C10orf67: variants seen among roughly 807,000 people sequenced by gnomAD.
C10orf67 encodes uncharacterized protein C10orf67, mitochondrial.
C10orf67 carries 60 observed loss-of-function variants against 35.6 expected under a neutral mutation model. That is an observed-to-expected ratio of 1.68 (90% CI 1.37 to 2.09). The LOEUF (loss-of-function observed/expected upper bound fraction) is 2.09, where lower values mean the gene tolerates loss of function less well. Among genes scored for constraint, C10orf67 ranks in the 30% most tolerant of loss-of-function variants. The pLI is 0.00. For missense variants in C10orf67, 474 were observed against 330.2 expected, an observed-to-expected ratio of 1.44 and a Z score of -3.38; for synonymous variants, 167 against 115.8, an observed-to-expected ratio of 1.44 and a Z score of -2.84.
intron 10 of C10orf67, among the ~76,000 whole-genome samples, chr10:23,256,479 A>T (rs1842604842): frequency 6.6e-6 from 1 of 152,208 alleles, no homozygotes; most frequent in Non-Finnish European, 1.5e-5. Context: ...AAGAGGAACA[A>T]TGCCCTCAGA....
intron 12 of C10orf67, among the ~76,000 whole-genome samples, chr10:23,241,526 C>CA (rs1588607946): frequency 6.6e-6 from 1 of 152,168 alleles, no homozygotes; most frequent in South Asian, 2.1e-4. Flanking sequence ...CATTGCCCCC[C>CA]ATGAAGATAT....
chr10:23,263,925 G>A (rs990988369), intron 10 of C10orf67, among the ~76,000 whole-genome samples: 1 of 152,134 alleles, frequency 6.6e-6, no homozygotes, highest in Non-Finnish European at 1.5e-5. Flanking sequence ...GTATTTTTCA[G>A]ACTGGCTAAA....
chr10:23,335,606 G>C (rs890511266), intron 1 of C10orf67, among the ~76,000 whole-genome samples: 1 of 151,778 alleles, frequency 6.6e-6, no homozygotes, highest in African/African-American at 2.4e-5. Context: ...CATCATATTT[G>C]GAAAAAACTA....
rs149541822 is a variant in C10orf67, at chr10:23,324,757, C to A, written c.328-2220G>T. Among the ~76,000 whole-genome samples the A allele has an allele frequency of 1.3e-3, 194 of 152,216 alleles. 5 individuals carry two copies. In the East Asian group the frequency reaches 0.032, roughly 25 times the overall value. ...CAGTTTTTTCTCTTCATTCCCTGAC[C>A]TTCTTTATTGTCCTTGATCTGATTC... On this transcript the variant is annotated intron_variant, in intron 2 of 15. Coordinates refer to ENST00000636213, the MANE Select transcript of C10orf67 (RefSeq NM_001371909.1).
At chr10:23,224,351 G>A (rs1841673286) in intron 13 of C10orf67, among the ~76,000 whole-genome samples, 1 of 152,140 alleles carries the variant, frequency 6.6e-6, no homozygotes, top group South Asian at 2.1e-4. Context: ...CAAACAGAAA[G>A]GACATCCACA....
chr10:23,277,534 C>A (rs1382828387), intron 8 of C10orf67, among the ~76,000 whole-genome samples: 3 of 143,862 alleles, frequency 2.1e-5, no homozygotes, highest in Admixed American at 7.1e-5. Context: ...GTCTGGGTGA[C>A]AGAGTATGAC....
intron 12 of C10orf67, among the ~76,000 whole-genome samples, chr10:23,249,476 TCA>T (rs1842396499): frequency 6.6e-6 from 1 of 152,176 alleles, no homozygotes; most frequent in Non-Finnish European, 1.5e-5. Context: ...GGGTAGGAGA[TCA>T]TTTCAGCACC....
chr10:23,301,046 C>T (rs907562091), intron 5 of C10orf67, among the ~76,000 whole-genome samples: 3 of 152,182 alleles, frequency 2.0e-5, no homozygotes, highest in African/African-American at 7.2e-5. Context: ...TTTTAATTTG[C>T]TTTAAGTCTG....
chr10:23,325,876 A>G (rs1390430964), intron 2 of C10orf67, among the ~76,000 whole-genome samples: 2 of 152,178 alleles, frequency 1.3e-5, no homozygotes, highest in Non-Finnish European at 2.9e-5. Flanking sequence ...TTGATAAAGA[A>G]AACAAATTCC....
intron 15 of C10orf67, among the ~76,000 whole-genome samples, chr10:23,208,929 G>A (rs1211112321): frequency 6.6e-6 from 1 of 152,044 alleles, no homozygotes; most frequent in African/African-American, 2.4e-5. Context: ...GGGACATGAG[G>A]TCTGGTTACC....
chr10:23,298,120 T>C (rs4747459), intron 5 of C10orf67, among the ~76,000 whole-genome samples: 88,069 of 151,876 alleles, frequency 0.58, 26,769 homozygotes, highest in East Asian at 0.88. Flanking sequence ...CCAGGCGTGG[T>C]GGTGTGCACC....
intron 10 of C10orf67, among the ~76,000 whole-genome samples, chr10:23,257,255 C>A (rs1203574212): frequency 6.6e-6 from 1 of 152,156 alleles, no homozygotes. Context: ...AGAAAGTCCA[C>A]CGCTGGGGCC....
chr10:23,265,235 G>A (rs1045359284), intron 10 of C10orf67, among the ~76,000 whole-genome samples: 1 of 152,230 alleles, frequency 6.6e-6, no homozygotes, highest in Non-Finnish European at 1.5e-5. Context: ...CTCCCGCTCT[G>A]TGGATATGAG....
rs559417802 is a variant in C10orf67 at position 23,326,835 on chromosome 10, C to T, written c.328-4298G>A. On this transcript the variant is annotated intron_variant, in intron 2 of 15. Transcript: ENST00000636213. ...ATCTTTAGAAATAATGAAAATTAAG[C>T]GCAGAAAGAAGTACTGAGATATGGG... 3.3e-5 allele frequency among the ~76,000 whole-genome samples: 5 copies of T among 151,900 alleles called. No homozygotes were observed. In the East Asian group the frequency reaches 5.8e-4, roughly 18 times the overall value.
rs569814146 is a variant in C10orf67, at chr10:23,234,816, C to A, written c.1434+4913G>T. 8.0e-4 allele frequency among the ~76,000 whole-genome samples: 121 copies of A among 151,444 alleles called. 2 individuals are homozygous for A. The highest frequency in any genetic ancestry group is 3.1e-3 in the Admixed American group (48 of 15,242). On this transcript the variant is annotated intron_variant, in intron 13 of 15. Transcript: ENST00000636213. The stretch of plus-strand genomic sequence containing the variant: ...GATCATGAGGTCAAGAGATTGAGAC[C>A]ACTCTGGTCAACATGGTGAAACCCT...
rs1204469249 is a variant in C10orf67 at position 23,250,500 on chromosome 10, C to T, written c.1301G>A (p.Arg434Gln). ...TCTCTTTTCCCAGCTTTTATTTAGT[C>T]GATCAGCTTCCTTCCTAAACCTATA... ...KVERFRKEAD[R>Q]LNKSWEKRFF... Residue 434 changes from arginine (R) to glutamine (Q), a missense_variant, in exon 12 of 16, where the codon CGA becomes CAA. Transcript: ENST00000636213. The T allele has an allele frequency of 2.0e-5, 8 of 398,498 alleles. No homozygotes were observed. Among genetic ancestry groups the T allele is most frequent in the South Asian group, 1.3e-4 (1 of 7,822 alleles). 24.7% of individuals were successfully genotyped at this position (398,498 alleles called of 1,614,324 possible). A position where few individuals can be genotyped will look rare whatever the true frequency, so the allele number is the denominator to read the frequency against.
intron 1 of C10orf67, among the ~76,000 whole-genome samples, chr10:23,341,789 T>C (rs1164066718): frequency 1.3e-5 from 2 of 152,140 alleles, no homozygotes; most frequent in South Asian, 2.1e-4. Context: ...GCTAGCCTGA[T>C]AGATCCTTAG....
At chr10:23,296,642 G>A (rs150824255) in intron 5 of C10orf67, among the ~76,000 whole-genome samples, 2,274 of 152,220 alleles carry the variant, frequency 0.015, 52 homozygotes, top group African/African-American at 0.052. Flanking sequence ...AGATTTCCTC[G>A]GGAGGGGTGA....
At chr10:23,326,928 A>G (rs1845221698) in intron 2 of C10orf67, among the ~76,000 whole-genome samples, 1 of 152,166 alleles carries the variant, frequency 6.6e-6, no homozygotes, top group Non-Finnish European at 1.5e-5. Flanking sequence ...GCATAAAACA[A>G]TATGAAGAGT....
Sources: allele counts gnomAD v4.1 joint callset (sites outside exome capture counted in the v4.1 genomes callset), GRCh38; gene constraint gnomAD v4.1.1; transcripts MANE v1.5; gene names NCBI Gene and HGNC (gene_info 2026-07-23, HGNC 2026-07-21).